Variants in POU2F1 observed in about 807,000 individuals in gnomAD.
POU2F1 encodes the protein POU domain, class 2, transcription factor 1.
Under a neutral mutation model 84.9 loss-of-function variants are expected in POU2F1, and 16 were observed. The observed-to-expected ratio is 0.19, with a 90% CI of 0.13 to 0.29. The LOEUF is 0.29. Ranked by LOEUF, POU2F1 falls within the 10% of genes least tolerant of loss-of-function variation. The pLI, the probability that POU2F1 is intolerant of heterozygous loss-of-function variation, is 1.00. For missense variants in POU2F1, 738 were observed against 942.6 expected (o/e 0.78, Z 2.84); for synonymous variants, 368 against 368.3 (o/e 1.00, Z 0.01).
At position 167,365,408 on chromosome 1, in the gene POU2F1, C is replaced by G. The variant is rs577852774; in HGVS notation, c.128-59C>G. On this transcript the variant is annotated intron_variant, in intron 2 of 15. Transcript: ENST00000367866. The stretch of plus-strand genomic sequence containing the variant: ...CCTGATGAATGTTGGTAACTGAAAT[C>G]TAGTGCTTTATTTCATTTATTTCTT... The G allele has an allele frequency of 2.3e-6, 3 of 1,297,300 alleles. No individual in the cohort carries two copies. The Admixed American group carries it at 7.2e-5, about 31-fold the overall frequency. 80.4% of individuals were successfully genotyped at this position (1,297,300 alleles called of 1,614,324 possible).
intron 1 of POU2F1, among the ~76,000 whole-genome samples, chr1:167,278,443 G>T (rs1308805294): frequency 6.6e-6 from 1 of 152,118 alleles, no homozygotes; most frequent in Non-Finnish European, 1.5e-5. Context: ...CATAGATAAT[G>T]GTTAAATGAC....
intron 5 of POU2F1, among the ~76,000 whole-genome samples, chr1:167,373,744 T>A (rs1660152998): frequency 6.6e-6 from 1 of 152,232 alleles, no homozygotes; most frequent in Non-Finnish European, 1.5e-5. Flanking sequence ...CCAGCATCCT[T>A]GTTCCTCATT....
intron 10 of POU2F1, 52 bp downstream of exon 10, chr1:167,396,479 G>T: frequency 6.4e-7 from 1 of 1,555,696 alleles, no homozygotes. Context: ...TTTTACATGG[G>T]GATTGTTATA....
In POU2F1 at chr1:167,312,425, G is replaced by A. The variant is rs533540733; in HGVS notation, c.62-20045G>A. Among the ~76,000 whole-genome samples the A allele has an allele frequency of 1.8e-3, 271 of 151,818 alleles. 2 individuals are homozygous for A. Among genetic ancestry groups the A allele is most frequent in the African/African-American group, 4.1e-3 (168 of 41,384 alleles). On this transcript the variant is annotated intron_variant, in intron 1 of 15. Transcript: ENST00000367866. ...TTTAGTAGAAATGAGGTTTCATCTC[G>A]TTTGTTGTTGGCCAGGCGGGTCTCG...
In POU2F1 at chr1:167,425,047, A is replaced by G. The variant is rs1650874655; in HGVS notation, c.*9237A>G. 6.6e-6 allele frequency: 1 copy of G among 150,560 alleles called. No homozygotes were observed. 9.3% of individuals were successfully genotyped at this position (150,560 alleles called of 1,614,324 possible). ...AAATATCCAAATATTTAAGTTTATT[A>G]TTATTATTATTATTATTTGACAATC... On this transcript the variant is annotated 3_prime_UTR_variant, in exon 16 of 16. Coordinates refer to ENST00000367866, the MANE Select transcript of POU2F1 (RefSeq NM_002697.4).
chr1:167,357,874 G>A (rs1367766810), intron 2 of POU2F1, among the ~76,000 whole-genome samples: 1 of 147,600 alleles, frequency 6.8e-6, no homozygotes, highest in Non-Finnish European at 1.5e-5. Context: ...CGCTATCTCG[G>A]CTCATTGCAA....
intron 1 of POU2F1, among the ~76,000 whole-genome samples, chr1:167,276,193 C>T (rs1196902460): frequency 4.6e-5 from 7 of 152,134 alleles, no homozygotes; most frequent in African/African-American, 7.2e-5. Context: ...TCTGTTCTGC[C>T]GAGGACGTGA....
chr1:167,282,999 CTT>C (rs1387521436), intron 1 of POU2F1, among the ~76,000 whole-genome samples: 26 of 152,298 alleles, frequency 1.7e-4, no homozygotes, highest in Non-Finnish European at 1.2e-4. Context: ...ATGTTAAACA[CTT>C]AGAATAATTG....
chr1:167,348,623 A>T (rs4142888), intron 2 of POU2F1, among the ~76,000 whole-genome samples: 1 of 151,908 alleles, frequency 6.6e-6, no homozygotes, highest in Non-Finnish European at 1.5e-5. Context: ...CTTTTTTCCA[A>T]TGTTTTTGTG....
chr1:167,304,912 AGAAAGAGT>A (rs1394686637), intron 1 of POU2F1, among the ~76,000 whole-genome samples: 1 of 152,238 alleles, frequency 6.6e-6, no homozygotes, highest in African/African-American at 2.4e-5. Flanking sequence ...ATGATGTTAT[AGAAAGAGT>A]ATTATTCAGA....
chr1:167,379,827 T>C (rs1647385460), intron 7 of POU2F1: 1 of 152,260 alleles, frequency 6.6e-6, no homozygotes. Flanking sequence ...ATTTCAATTT[T>C]ATTTGTCTCA....
intron 1 of POU2F1, among the ~76,000 whole-genome samples, chr1:167,231,987 C>T (rs1389451094): frequency 5.3e-5 from 8 of 152,140 alleles, no homozygotes; most frequent in African/African-American, 1.2e-4. Flanking sequence ...ATTCCCTACT[C>T]GTGTGCCCTC....
At chr1:167,322,139 A>G (rs898366637) in intron 1 of POU2F1, among the ~76,000 whole-genome samples, 3 of 152,162 alleles carry the variant, frequency 2.0e-5, no homozygotes, top group African/African-American at 7.2e-5. Flanking sequence ...TTTACCCTGA[A>G]TAGTTATTTC....
At chr1:167,347,055 A>T (rs1370364499) in intron 2 of POU2F1, among the ~76,000 whole-genome samples, 1 of 152,136 alleles carries the variant, frequency 6.6e-6, no homozygotes, top group Non-Finnish European at 1.5e-5. Context: ...TGTGAACTTC[A>T]TTTGGAATTT....
intron 2 of POU2F1, chr1:167,338,175 C>A (rs1437231672): frequency 6.4e-6 from 3 of 468,268 alleles, no homozygotes; most frequent in Admixed American, 2.3e-5. Context: ...TCAGCAAGAC[C>A]CCTCCTGTTC....
chr1:167,357,189 G>A (rs1658994261), intron 2 of POU2F1, among the ~76,000 whole-genome samples: 2 of 152,058 alleles, frequency 1.3e-5, no homozygotes, highest in Admixed American at 1.3e-4. Flanking sequence ...GCTCATGCCT[G>A]TCTACCTATT....
chr1:167,264,640 T>C (rs901923331), intron 1 of POU2F1, among the ~76,000 whole-genome samples: 1 of 152,186 alleles, frequency 6.6e-6, no homozygotes, highest in African/African-American at 2.4e-5. Context: ...CTCCACAGTC[T>C]CCACCCTGGT....
chr1:167,237,252 G>C (rs997286700), intron 1 of POU2F1, among the ~76,000 whole-genome samples: 2 of 152,162 alleles, frequency 1.3e-5, no homozygotes, highest in South Asian at 2.1e-4. Context: ...ATACTTATGC[G>C]TGTTGGGGAG....
chr1:167,364,198 T>G (rs1395911203), intron 2 of POU2F1, among the ~76,000 whole-genome samples: 1 of 152,224 alleles, frequency 6.6e-6, no homozygotes, highest in Non-Finnish European at 1.5e-5. Context: ...GTGGCATGTC[T>G]TTCCATAAAT....
Sources: gnomAD v4.1 joint callset for allele counts (sites outside exome capture counted in the v4.1 genomes callset) on GRCh38, gnomAD v4.1.1 for gene constraint, MANE v1.5 for transcripts, NCBI Gene and HGNC (gene_info 2026-07-23, HGNC 2026-07-21) for gene names.